SRPX: variants seen among roughly 807,000 people sequenced by gnomAD.
SRPX encodes the protein sushi repeat-containing protein SRPX.
Under a neutral mutation model 38.1 loss-of-function variants are expected in SRPX, and 24 were observed. The ratio of observed to expected loss-of-function variants is 0.63; its 90% CI spans 0.46 to 0.89. The LOEUF (loss-of-function observed/expected upper bound fraction) is 0.89. Ranked by LOEUF, SRPX falls within the 40% of genes least tolerant of loss-of-function variation. The pLI is 0.00. For synonymous variants in SRPX, 184 were observed against 153.8 expected, an observed-to-expected ratio of 1.20 and a Z score of -1.45; for missense variants, 416 against 377.8, an observed-to-expected ratio of 1.10 and a Z score of -0.84.
At chrX:38,216,951 G>A (rs1939431595) in intron 1 of SRPX, among the ~76,000 whole-genome samples, 2 of 112,270 alleles carry the variant, frequency 1.8e-5, no homozygotes, top group Non-Finnish European at 3.8e-5. Flanking sequence ...GAGAGTGTTC[G>A]TATATTTAAA....
intron 2 of SRPX, among the ~76,000 whole-genome samples, chrX:38,175,264 A>G (rs57489834): frequency 0.023 from 2,591 of 111,728 alleles, 87 homozygotes; most frequent in African/African-American, 0.081. Flanking sequence ...CAATGCCATG[A>G]ATAGGAGCCA....
intron 1 of SRPX, among the ~76,000 whole-genome samples, chrX:38,218,897 T>C (rs1362410457): frequency 1.2e-4 from 13 of 110,994 alleles, no homozygotes; most frequent in Non-Finnish European, 2.3e-4. Context: ...AAAAGGAGGC[T>C]CAAGAGGAGT....
chrX:38,203,340 T>A (rs777217591), intron 1 of SRPX, among the ~76,000 whole-genome samples: 155 of 112,470 alleles, frequency 1.4e-3, no homozygotes, highest in African/African-American at 4.2e-3. Flanking sequence ...TACTTTACGA[T>A]GAAAGACTGA....
chrX:38,194,144 C>T (rs1056507652), intron 1 of SRPX, among the ~76,000 whole-genome samples: 2 of 111,374 alleles, frequency 1.8e-5, no homozygotes, highest in Non-Finnish European at 3.8e-5. Flanking sequence ...TACCAACAGC[C>T]TATACTCTCA....
chrX:38,220,728 A>AGCAGCAGCAGCAGCAGAGGCG lies in SRPX; in HGVS notation c.44_64dup (p.Pro15_Leu21dup), dbSNP rs777543606. On this transcript the variant is annotated inframe_insertion, in exon 1 of 10. Coordinates refer to ENST00000378533, the MANE Select transcript of SRPX (RefSeq NM_006307.5). The stretch of plus-strand genomic sequence containing the variant: ...GCTGCGGCTGGGCGGGACGCGCAGC[A>AGCAGCAGCAGCAGCAGAGGCG]GCAGCAGCAGCAGCAGAGGCGGCAG... 2.6e-4 allele frequency: 242 copies of AGCAGCAGCAGCAGCAGAGGCG among 925,425 alleles called. No individual in the cohort carries two copies. The highest frequency in any genetic ancestry group is 3.4e-4 in the Non-Finnish European group (228 of 668,866). 76.3% of individuals were successfully genotyped at this position (925,425 alleles called of 1,213,427 possible). A position where few individuals can be genotyped will look rare whatever the true frequency, so the allele number is the denominator to read the frequency against.
chrX:38,212,247 G>A (rs185166351), intron 1 of SRPX, among the ~76,000 whole-genome samples: 1 of 112,016 alleles, frequency 8.9e-6, no homozygotes, highest in East Asian at 2.8e-4. Flanking sequence ...AAGGGAGGTT[G>A]CATTTGTTTT....
intron 1 of SRPX, among the ~76,000 whole-genome samples, chrX:38,179,418 G>A (rs1295678029): frequency 8.9e-6 from 1 of 112,455 alleles, no homozygotes; most frequent in Non-Finnish European, 1.9e-5. Flanking sequence ...GGTAGCAGAT[G>A]CCAAACTTCA....
At chrX:38,211,697 C>CA (rs1323531513) in intron 1 of SRPX, among the ~76,000 whole-genome samples, 106 of 100,405 alleles carry the variant, frequency 1.1e-3, no homozygotes, top group African/African-American at 3.4e-3. Context: ...AAGACTCGGT[C>CA]AAAAAAAAAA....
chrX:38,194,874 T>G (rs1334022904), intron 1 of SRPX, among the ~76,000 whole-genome samples: 3 of 88,147 alleles, frequency 3.4e-5, no homozygotes, highest in Middle Eastern at 4.7e-3. Flanking sequence ...TTTTTTTTTT[T>G]TTTTTTTTTT....
At chrX:38,205,200 A>C (rs1238606816) in intron 1 of SRPX, among the ~76,000 whole-genome samples, 4 of 112,186 alleles carry the variant, frequency 3.6e-5, no homozygotes, top group Non-Finnish European at 7.5e-5. Flanking sequence ...GTTTTGTGGG[A>C]GGTATAACCA....
chrX:38,215,243 A>G (rs765296079), intron 1 of SRPX, among the ~76,000 whole-genome samples: 2 of 111,989 alleles, frequency 1.8e-5, no homozygotes, highest in Admixed American at 9.5e-5. Flanking sequence ...CCTGGAGAAC[A>G]ATGCATAAAG....
At chrX:38,168,878 T>A (rs1468696168) in intron 4 of SRPX, among the ~76,000 whole-genome samples, 1 of 111,845 alleles carries the variant, frequency 8.9e-6, no homozygotes, top group Non-Finnish European at 1.9e-5. Flanking sequence ...CATAGCCGGG[T>A]GTGGTGGCTC....
intron 4 of SRPX, among the ~76,000 whole-genome samples, chrX:38,171,428 C>T (rs1444538389): frequency 9.0e-6 from 1 of 111,542 alleles, no homozygotes; most frequent in East Asian, 2.8e-4. Context: ...CCCAACAAAC[C>T]CAGAGTAAGG....
At chrX:38,171,587 C>T (rs1007463804) in intron 4 of SRPX, among the ~76,000 whole-genome samples, 1 of 111,630 alleles carries the variant, frequency 9.0e-6, no homozygotes, top group Non-Finnish European at 1.9e-5. Context: ...CTCAGGCCCC[C>T]GAACTAAAAT....
At chrX:38,211,526 C>T (rs765938888) in intron 1 of SRPX, among the ~76,000 whole-genome samples, 2 of 111,083 alleles carry the variant, frequency 1.8e-5, no homozygotes, top group Non-Finnish European at 3.8e-5. Context: ...ATGGTGAAAC[C>T]CCATCTATAC....
chrX:38,164,138 AG>A (rs1938317575), intron 5 of SRPX, among the ~76,000 whole-genome samples: 1 of 70,068 alleles, frequency 1.4e-5, no homozygotes, highest in Non-Finnish European at 3.0e-5. Context: ...GGGGTACATG[AG>A]ATTTTTTTTT....
intron 1 of SRPX, among the ~76,000 whole-genome samples, chrX:38,192,153 A>G (rs1938918072): frequency 8.9e-6 from 1 of 112,112 alleles, no homozygotes; most frequent in Admixed American, 9.4e-5. Context: ...TAACCCTGCC[A>G]AAGTATCAGG....
Position 38,178,364 on chromosome X carries a change from A to C in SRPX, c.98-20T>G, listed in dbSNP as rs1938606311. 8.4e-7 allele frequency: 1 copy of C among 1,192,047 alleles called. No homozygotes were observed. The highest frequency in any genetic ancestry group is 2.2e-5 in the Admixed American group (1 of 45,837). On this transcript the variant is annotated intron_variant, in intron 1 of 9. Coordinates refer to ENST00000378533, the MANE Select transcript of SRPX (RefSeq NM_006307.5). The stretch of plus-strand genomic sequence containing the variant: ...CCGATCCTACAATAAAAAAGAACAG[A>C]AACTGCAGCAAGAAAAGCCACATAG...
At position 38,195,382 on chromosome X, in the gene SRPX, G is replaced by GTT. The variant is rs10710053; in HGVS notation, c.98-17040_98-17039dup. Among the ~76,000 whole-genome samples, 166 of 87,937 alleles carry GTT rather than the reference G, an allele frequency of 1.9e-3. 2 individuals carry two copies. Among genetic ancestry groups the GTT allele is most frequent in the African/African-American group, 6.9e-3 (156 of 22,667 alleles). 76.4% of individuals were successfully genotyped at this position (87,937 alleles called of 115,157 possible). ...TGGCTGGTAAGTAGAGGTGTTTGTG[G>GTT]TTTTTTTTTTTTTTTTTTTACCATA... On this transcript the variant is annotated intron_variant, in intron 1 of 9. Transcript: ENST00000378533.
Sources: gnomAD v4.1 joint callset for allele counts (sites outside exome capture counted in the v4.1 genomes callset) on GRCh38, gnomAD v4.1.1 for gene constraint, MANE v1.5 for transcripts, NCBI Gene and HGNC (gene_info 2026-07-23, HGNC 2026-07-21) for gene names.